TTC39C: variants seen among roughly 807,000 people sequenced by gnomAD.
The protein encoded by TTC39C is tetratricopeptide repeat domain 39C.
A neutral mutation model predicts 76.3 loss-of-function variants in TTC39C; 33 were observed. That is an observed-to-expected ratio of 0.43 (90% CI 0.33 to 0.58). The LOEUF (loss-of-function observed/expected upper bound fraction) is 0.58. Among genes scored for constraint, TTC39C ranks in the 20% least tolerant of loss-of-function variants. The pLI is 0.04. For synonymous variants in TTC39C, 254 were observed against 260.6 expected (o/e 0.97, Z 0.24); for missense variants, 595 against 701.4 (o/e 0.85, Z 1.71).
intron 1 of TTC39C, among the ~76,000 whole-genome samples, chr18:24,017,859 A>G (rs1406741062): frequency 6.6e-6 from 1 of 152,216 alleles, no homozygotes; most frequent in Non-Finnish European, 1.5e-5. Flanking sequence ...TTAACAGTAG[A>G]AACGTATTTT....
chr18:24,112,768 G>C (rs2084832372), intron 6 of TTC39C, among the ~76,000 whole-genome samples: 1 of 152,174 alleles, frequency 6.6e-6, no homozygotes, highest in Non-Finnish European at 1.5e-5. Flanking sequence ...ATTTAGCAAA[G>C]TGAGAGAGAT....
At chr18:24,104,813 T>G (rs1375649853) in intron 6 of TTC39C, among the ~76,000 whole-genome samples, 3 of 152,034 alleles carry the variant, frequency 2.0e-5, no homozygotes, top group Admixed American at 1.3e-4. Context: ...GCTCCTGGAC[T>G]TTTGTCAGAA....
intron 8 of TTC39C, among the ~76,000 whole-genome samples, chr18:24,121,813 T>C (rs933815136): frequency 1.3e-5 from 2 of 152,226 alleles, no homozygotes; most frequent in Admixed American, 6.5e-5. Flanking sequence ...CCTTAGGCAA[T>C]GCTCAGCTTT....
intron 1 of TTC39C, among the ~76,000 whole-genome samples, chr18:23,999,928 C>A (rs1007397314): frequency 2.0e-5 from 3 of 152,142 alleles, no homozygotes; most frequent in Non-Finnish European, 4.4e-5. Flanking sequence ...CTTCCTTAAA[C>A]CAAAAAAGAA....
chr18:24,025,165 G>A lies in TTC39C; in HGVS notation c.167+10127G>A, dbSNP rs572581060. On this transcript the variant is annotated intron_variant, in intron 1 of 13. Transcript: ENST00000317571. ...ATTACAGTCATGAGCCACTGCGCCCGGCCTCCAAAATAAAATAATTTTGAC... is the reference window on the plus strand; with the variant it reads ...ATTACAGTCATGAGCCACTGCGCCCAGCCTCCAAAATAAAATAATTTTGAC... Among the ~76,000 whole-genome samples, 7 of 152,194 alleles carry A rather than the reference G, an allele frequency of 4.6e-5. No individual in the cohort carries two copies. The South Asian group carries it at 8.3e-4, about 18-fold the overall frequency.
intron 6 of TTC39C, among the ~76,000 whole-genome samples, chr18:24,086,612 G>A (rs1433015396): frequency 2.0e-5 from 3 of 152,148 alleles, no homozygotes; most frequent in Non-Finnish European, 4.4e-5. Flanking sequence ...CACCCCAGCT[G>A]GTGAGCACAG....
At chr18:24,116,537 AGT>A (rs1465591298) in intron 7 of TTC39C, among the ~76,000 whole-genome samples, 1 of 152,142 alleles carries the variant, frequency 6.6e-6, no homozygotes, top group Non-Finnish European at 1.5e-5. Flanking sequence ...ACAGAGTGAG[AGT>A]GTGTTTCCAA....
intron 6 of TTC39C, among the ~76,000 whole-genome samples, chr18:24,090,765 G>A (rs1446777148): frequency 6.9e-6 from 1 of 144,388 alleles, no homozygotes; most frequent in African/African-American, 2.6e-5. Context: ...AGTGAGAATT[G>A]TGAAATAAAT....
chr18:24,002,516 C>T (rs1393124748), intron 1 of TTC39C, among the ~76,000 whole-genome samples: 1 of 152,126 alleles, frequency 6.6e-6, no homozygotes, highest in South Asian at 2.1e-4. Context: ...GTCTTGAATG[C>T]CCAGAGTGAT....
In TTC39C at chr18:24,128,868, A is replaced by T. The variant is rs774752981; in HGVS notation, c.1421-18A>T. The T allele has an allele frequency of 1.9e-6, 3 of 1,604,774 alleles. No individual in the cohort carries two copies. In the South Asian group the frequency reaches 3.3e-5, roughly 18 times the overall value. On this transcript the variant is annotated intron_variant, in intron 10 of 13. Transcript: ENST00000317571. ...AATGCATTTGCTTACTGCTCTGTTCACTCCCCTTCTTTTTAAGCTTGCCAT... is the reference window on the plus strand; with the variant it reads ...AATGCATTTGCTTACTGCTCTGTTCTCTCCCCTTCTTTTTAAGCTTGCCAT...
chr18:24,103,336 A>G (rs2084702208), intron 6 of TTC39C, among the ~76,000 whole-genome samples: 1 of 152,204 alleles, frequency 6.6e-6, no homozygotes, highest in South Asian at 2.1e-4. Context: ...TGTCTTCTAA[A>G]TAGTCATTCA....
intron 12 of TTC39C, among the ~76,000 whole-genome samples, chr18:24,130,765 A>G (rs905297104): frequency 7.9e-5 from 12 of 152,056 alleles, no homozygotes; most frequent in East Asian, 1.9e-4. Flanking sequence ...TCTATAGCCT[A>G]TTGCTTCTGT....
rs141396920 is a variant in TTC39C, at chr18:24,106,517, A to G, written c.985-8037A>G. Among the ~76,000 whole-genome samples the G allele has an allele frequency of 2.4e-3, 364 of 152,266 alleles. 1 individual carries two copies. Among genetic ancestry groups the G allele is most frequent in the Non-Finnish European group, 3.9e-3 (266 of 68,018 alleles). On this transcript the variant is annotated intron_variant, in intron 6 of 13. Coordinates refer to ENST00000317571, the MANE Select transcript of TTC39C (RefSeq NM_001135993.2). ...TGTGCAGTGTCCTCCCTTCCTCTGC[A>G]CATCCCTCTTCCTCACTGACGTGGT...
intron 1 of TTC39C, among the ~76,000 whole-genome samples, chr18:24,059,680 G>A (rs983940884): frequency 6.6e-6 from 1 of 152,202 alleles, no homozygotes. Context: ...GAACATACAT[G>A]TGCATGTGTC....
chr18:24,012,179 A>G (rs2083398597), upstream of TTC39C, among the ~76,000 whole-genome samples: 1 of 152,160 alleles, frequency 6.6e-6, no homozygotes, highest in Non-Finnish European at 1.5e-5. Flanking sequence ...CTCTTTTTGT[A>G]TCCCTCACCA....
At chr18:24,082,841 CTGGAGTTTTGAAAAA>C in intron 5 of TTC39C, 57 bp from the exon 6 acceptor site, 1 of 1,469,552 alleles carries the variant, frequency 6.8e-7, no homozygotes, top group Non-Finnish European at 9.2e-7. Flanking sequence ...AGAACACATA[CTGGAGTTTTGAAAAA>C]TGGAAATGGT....
chr18:24,010,978 G>T (rs568564861), upstream of TTC39C, among the ~76,000 whole-genome samples: 60 of 152,288 alleles, frequency 3.9e-4, no homozygotes, highest in East Asian at 7.7e-4. Flanking sequence ...AGCCTGGGAG[G>T]TGAAGGCTGC....
intron 1 of TTC39C, among the ~76,000 whole-genome samples, chr18:23,997,712 A>AAGAAAGAAAGAAAGAAAGAG (rs2083279569): frequency 6.6e-6 from 1 of 151,038 alleles, no homozygotes; most frequent in African/African-American, 2.4e-5. Flanking sequence ...GAAAGAAAGA[A>AAGAAAGAAAGAAAGAAAGAG]AGAAAGAAAG....
intron 4 of TTC39C, among the ~76,000 whole-genome samples, chr18:24,070,890 A>G (rs998828957): frequency 1.3e-5 from 2 of 152,120 alleles, no homozygotes; most frequent in South Asian, 4.1e-4. Flanking sequence ...GATAAAGCAA[A>G]TGTAATAAAA....
Sources: gnomAD v4.1 joint callset for allele counts (sites outside exome capture counted in the v4.1 genomes callset) on GRCh38, gnomAD v4.1.1 for gene constraint, MANE v1.5 for transcripts, NCBI Gene and HGNC (gene_info 2026-07-23, HGNC 2026-07-21) for gene names.